Variants in ADGRL3 observed in about 807,000 individuals in gnomAD.
ADGRL3 encodes adhesion G protein-coupled receptor L3, also known as calcium-independent alpha-latrotoxin receptor 3.
Under a neutral mutation model 153.5 loss-of-function variants are expected in ADGRL3, and 62 were observed. The observed-to-expected ratio is 0.40, with a 90% confidence interval of 0.33 to 0.50. The LOEUF is 0.50. ADGRL3 is among the 20% of genes least tolerant of loss of function. The pLI is 0.47. For missense variants in ADGRL3, 1,641 were observed against 1,859.4 expected (o/e 0.88, Z 2.16); for synonymous variants, 710 against 672.5 (o/e 1.06, Z -0.86).
At chr4:61,622,485 A>G (rs758309782) in intron 5 of ADGRL3, among the ~76,000 whole-genome samples, 4 of 152,110 alleles carry the variant, frequency 2.6e-5, no homozygotes, top group African/African-American at 7.2e-5. Context: ...AGTCTGATCC[A>G]TTAAGAATCT....
At position 61,581,267 on chromosome 4, in the gene ADGRL3, G is replaced by T. The variant is rs1019874313; in HGVS notation, c.260-5960G>T. 4.6e-5 allele frequency among the ~76,000 whole-genome samples: 7 copies of T among 152,040 alleles called. No homozygotes were observed. The South Asian group carries it at 1.5e-3, about 32-fold the overall frequency. ...GATTATTCATGAGAGGGTGGGAAGA[G>T]CTGTTACTAGTAAGCATGTTCTGGG... On this transcript the variant is annotated intron_variant, in intron 4 of 26. Coordinates refer to ENST00000683033, the MANE Select transcript of ADGRL3 (RefSeq NM_001387552.1).
At chr4:61,442,702 G>A (rs931839162) in intron 2 of ADGRL3, among the ~76,000 whole-genome samples, 8 of 152,128 alleles carry the variant, frequency 5.3e-5, no homozygotes, top group Non-Finnish European at 1.2e-4. Context: ...AAAGCAGGAG[G>A]ATTTGGGAGA....
intron 21 of ADGRL3, among the ~76,000 whole-genome samples, chr4:62,003,336 A>G (rs1463468507): frequency 6.6e-6 from 1 of 152,158 alleles, no homozygotes; most frequent in Admixed American, 6.6e-5. Context: ...TTGCTTAAAG[A>G]TACACCTTTT....
rs17239087 is a variant in ADGRL3 at position 61,603,155 on chromosome 4, A to G, written c.473+15715A>G. Among the ~76,000 whole-genome samples, 577 of 152,322 alleles carry G rather than the reference A, an allele frequency of 3.8e-3. 1 individual carries two copies. Among genetic ancestry groups the G allele is most frequent in the Non-Finnish European group, 6.7e-3 (459 of 68,034 alleles). On this transcript the variant is annotated intron_variant, in intron 5 of 26. Coordinates refer to ENST00000683033, the MANE Select transcript of ADGRL3 (RefSeq NM_001387552.1). ...ATTGTTGGAAACATTTCAATAGACCACATAAGTAACAGTCACCCACACAGT... is the reference window on the plus strand; with the variant it reads ...ATTGTTGGAAACATTTCAATAGACCGCATAAGTAACAGTCACCCACACAGT...
chr4:61,704,453 A>AT (rs1475833301), intron 6 of ADGRL3, among the ~76,000 whole-genome samples: 1 of 152,210 alleles, frequency 6.6e-6, no homozygotes, highest in Non-Finnish European at 1.5e-5. Context: ...AAAATATTTT[A>AT]TTGCTAAAAA....
chr4:61,280,119 T>C (rs2093660448), intron 1 of ADGRL3, among the ~76,000 whole-genome samples: 1 of 147,320 alleles, frequency 6.8e-6, no homozygotes, highest in Non-Finnish European at 1.5e-5. Context: ...TTTTCTTTTT[T>C]TTTTTTTTGA....
intron 17 of ADGRL3, among the ~76,000 whole-genome samples, chr4:61,972,765 C>A (rs939497612): frequency 6.6e-6 from 1 of 152,210 alleles, no homozygotes; most frequent in Non-Finnish European, 1.5e-5. Flanking sequence ...GCCATTTTCA[C>A]AATATTGATT....
intron 1 of ADGRL3, among the ~76,000 whole-genome samples, chr4:61,230,555 A>T (rs1443666492): frequency 6.6e-6 from 1 of 151,966 alleles, no homozygotes; most frequent in African/African-American, 2.4e-5. Flanking sequence ...TCATTTAATT[A>T]TTTTGTTTTT....
At position 61,785,138 on chromosome 4, in the gene ADGRL3, G is replaced by A. The variant is rs904804476; in HGVS notation, c.1400-28671G>A. Among the ~76,000 whole-genome samples the A allele has an allele frequency of 3.9e-5, 6 of 152,156 alleles. No homozygotes were observed. The East Asian group carries it at 1.2e-3, about 29-fold the overall frequency. On this transcript the variant is annotated intron_variant, in intron 8 of 26. Coordinates refer to ENST00000683033, the MANE Select transcript of ADGRL3 (RefSeq NM_001387552.1). The stretch of plus-strand genomic sequence containing the variant: ...ATAAATAAATAAAGGGGGTTAGGAG[G>A]GAGATTAAGAGAGAGACATAGAAGG...
At chr4:61,376,424 A>G (rs937676076) in intron 1 of ADGRL3, among the ~76,000 whole-genome samples, 10 of 151,996 alleles carry the variant, frequency 6.6e-5, no homozygotes, top group Non-Finnish European at 1.3e-4. Context: ...TTTGAAAGCT[A>G]TTTCTTAATC....
chr4:61,658,783 T>G (rs1322724398), intron 5 of ADGRL3, among the ~76,000 whole-genome samples: 2 of 152,118 alleles, frequency 1.3e-5, no homozygotes, highest in Non-Finnish European at 1.5e-5. Context: ...GATTGACACT[T>G]GTCCCTTAAC....
intron 5 of ADGRL3, among the ~76,000 whole-genome samples, chr4:61,632,721 T>C (rs1487794162): frequency 1.3e-5 from 2 of 152,212 alleles, no homozygotes; most frequent in Non-Finnish European, 2.9e-5. Flanking sequence ...ATAATTCTTA[T>C]TGTTTCCTTA....
intron 1 of ADGRL3, among the ~76,000 whole-genome samples, chr4:61,286,962 T>C (rs1181486601): frequency 2.0e-5 from 3 of 151,778 alleles, no homozygotes; most frequent in Non-Finnish European, 4.4e-5. Flanking sequence ...TTTTTAGTAA[T>C]TATGGAAGTC....
rs375370832 is a variant in ADGRL3 at position 61,559,934 on chromosome 4, G to A, written c.260-27293G>A. Among the ~76,000 whole-genome samples, 9 of 151,986 alleles carry A rather than the reference G, an allele frequency of 5.9e-5. No individual in the cohort carries two copies. The East Asian group carries it at 1.7e-3, about 29-fold the overall frequency. ...CAGAACATACTGTTTATTTATTCAT[G>A]ACTATTCCCTTTACATGACATTCTC... On this transcript the variant is annotated intron_variant, in intron 4 of 26. Coordinates refer to ENST00000683033, the MANE Select transcript of ADGRL3 (RefSeq NM_001387552.1).
At chr4:61,240,275 G>T (rs779406614) in intron 1 of ADGRL3, among the ~76,000 whole-genome samples, 1 of 152,130 alleles carries the variant, frequency 6.6e-6, no homozygotes, top group Non-Finnish European at 1.5e-5. Context: ...GATCCCATGT[G>T]TGAGGGCAGT....
At chr4:61,738,462 G>A in intron 8 of ADGRL3, among the ~76,000 whole-genome samples, 1 of 152,204 alleles carries the variant, frequency 6.6e-6, no homozygotes, top group South Asian at 2.1e-4. Context: ...GGGTCAGATG[G>A]TAGTTCTACT....
At chr4:61,847,604 T>A (rs370498838) in intron 9 of ADGRL3, among the ~76,000 whole-genome samples, 3,006 of 67,262 alleles carry the variant, frequency 0.045, 233 homozygotes, top group African/African-American at 0.085. Flanking sequence ...ATATAATATA[T>A]AATATATTAT....
At chr4:61,502,700 A>G (rs1315010346) in intron 3 of ADGRL3, among the ~76,000 whole-genome samples, 1 of 152,168 alleles carries the variant, frequency 6.6e-6, no homozygotes, top group African/African-American at 2.4e-5. Context: ...ACTAATGTCA[A>G]TGATTTAAGA....
chr4:61,865,030 A>G (rs180971617), intron 9 of ADGRL3, among the ~76,000 whole-genome samples: 1 of 152,332 alleles, frequency 6.6e-6, no homozygotes, highest in Non-Finnish European at 1.5e-5. Context: ...GGTAAACTAT[A>G]GAAGCTCTTC....
Sources: allele counts gnomAD v4.1 joint callset (sites outside exome capture counted in the v4.1 genomes callset), GRCh38; gene constraint gnomAD v4.1.1; transcripts MANE v1.5; gene names NCBI Gene and HGNC (gene_info 2026-07-23, HGNC 2026-07-21).